Variants in LRMDA observed in about 807,000 individuals in gnomAD.
LRMDA encodes the protein leucine-rich melanocyte differentiation-associated protein.
LRMDA carries 18 observed loss-of-function variants against 29.8 expected under a neutral mutation model. The observed-to-expected ratio is 0.60, with a 90% confidence interval of 0.42 to 0.90. LRMDA has a LOEUF of 0.90. Among genes scored for constraint, LRMDA ranks in the 40% least tolerant of loss-of-function variants. The probability of loss-of-function intolerance (pLI) is 0.00; values close to 1 mark genes in which losing one functional copy is unlikely to be tolerated. For synonymous variants in LRMDA, 125 were observed against 109.4 expected (o/e 1.14, Z -0.89); for missense variants, 273 against 273.9 (o/e 1.00, Z 0.02).
intron 2 of LRMDA, among the ~76,000 whole-genome samples, chr10:75,784,428 G>A (rs1231566268): frequency 2.6e-5 from 4 of 152,126 alleles, no homozygotes; most frequent in Non-Finnish European, 4.4e-5. Context: ...GGCCGGGTGC[G>A]GTGGCTCACG....
At chr10:75,611,779 T>C (rs1841035526) in intron 2 of LRMDA, among the ~76,000 whole-genome samples, 1 of 152,152 alleles carries the variant, frequency 6.6e-6, no homozygotes, top group Non-Finnish European at 1.5e-5. Flanking sequence ...GCAAGCACAG[T>C]ATAGGTTGGA....
At chr10:75,560,256 G>C (rs1840273695) in intron 2 of LRMDA, among the ~76,000 whole-genome samples, 2 of 152,232 alleles carry the variant, frequency 1.3e-5, no homozygotes, top group South Asian at 4.1e-4. Flanking sequence ...CACGTCCCTT[G>C]TAAGTTGGAT....
chr10:76,539,780 G>A (rs1246611979), intron 6 of LRMDA, among the ~76,000 whole-genome samples: 1 of 152,170 alleles, frequency 6.6e-6, no homozygotes, highest in African/African-American at 2.4e-5. Flanking sequence ...GGCACAGACT[G>A]ATTAAGTGCT....
Position 76,234,894 on chromosome 10 carries a change from A to G in LRMDA, c.517-89507A>G, listed in dbSNP as rs561601262. Among the ~76,000 whole-genome samples the G allele has an allele frequency of 2.4e-4, 37 of 152,338 alleles. No individual in the cohort carries two copies. In the South Asian group the frequency reaches 5.0e-3, roughly 20 times the overall value. ...CCGCTAAAACTTTCTCCATATCAGCAATAAGGCTGTTTCACTTTCTTATCA... is the reference window on the plus strand; with the variant it reads ...CCGCTAAAACTTTCTCCATATCAGCGATAAGGCTGTTTCACTTTCTTATCA... On this transcript the variant is annotated intron_variant, in intron 5 of 6. Transcript: ENST00000611255.
chr10:76,515,924 A>G (rs375782149), intron 6 of LRMDA, among the ~76,000 whole-genome samples: 1 of 152,200 alleles, frequency 6.6e-6, no homozygotes. Flanking sequence ...GCCAAGCTGA[A>G]ATCAGAGAAA....
intron 6 of LRMDA, among the ~76,000 whole-genome samples, chr10:76,451,937 G>A (rs777659031): frequency 2.6e-5 from 4 of 152,140 alleles, no homozygotes; most frequent in South Asian, 2.1e-4. Flanking sequence ...GATTACAGGC[G>A]TGAGCCACCA....
chr10:75,643,587 G>T (rs1044453459), intron 2 of LRMDA, among the ~76,000 whole-genome samples: 7 of 152,148 alleles, frequency 4.6e-5, no homozygotes, highest in Admixed American at 3.9e-4. Context: ...TTCTAGAAGG[G>T]CATATTGCTG....
chr10:75,726,580 A>G (rs1239327879), intron 2 of LRMDA, among the ~76,000 whole-genome samples: 1 of 152,224 alleles, frequency 6.6e-6, no homozygotes, highest in African/African-American at 2.4e-5. Context: ...TCTCATGGCC[A>G]TGGCCCCTAC....
At chr10:76,358,580 G>T (rs1001370146) in intron 6 of LRMDA, among the ~76,000 whole-genome samples, 2 of 152,192 alleles carry the variant, frequency 1.3e-5, no homozygotes, top group East Asian at 1.9e-4. Context: ...GAGCCAGGAG[G>T]CATGGCAGTC....
intron 2 of LRMDA, among the ~76,000 whole-genome samples, chr10:75,868,225 A>G (rs1845051999): frequency 6.6e-6 from 1 of 152,130 alleles, no homozygotes; most frequent in East Asian, 1.9e-4. Flanking sequence ...CAACAAGGAG[A>G]CAGAGTGGAT....
chr10:76,558,230 G>C lies in LRMDA; in HGVS notation c.*942G>C, dbSNP rs1843581715. 6.6e-6 allele frequency: 1 copy of C among 152,218 alleles called. No homozygotes were observed. The highest frequency in any genetic ancestry group is 1.5e-5 in the Non-Finnish European group (1 of 68,062). The allele number at this position is 152,218 out of a possible 1,614,324, so 9.4% of individuals were successfully genotyped here. On this transcript the variant is annotated 3_prime_UTR_variant, in exon 7 of 7. Transcript: ENST00000611255. ...CCTTTGGGTGCTATTTAAAGGGAGTGAGGTGATGAAAGATAGAGTGAAGGG... is the reference window on the plus strand; with the variant it reads ...CCTTTGGGTGCTATTTAAAGGGAGTCAGGTGATGAAAGATAGAGTGAAGGG...
intron 2 of LRMDA, among the ~76,000 whole-genome samples, chr10:75,747,422 A>G (rs531485765): frequency 7.9e-5 from 12 of 152,338 alleles, no homozygotes; most frequent in African/African-American, 2.6e-4. Flanking sequence ...TGTGGTTAAC[A>G]AGCAAAAAAT....
chr10:76,014,105 AGT>A (rs1564630402), intron 2 of LRMDA, among the ~76,000 whole-genome samples: 47 of 118,858 alleles, frequency 4.0e-4, no homozygotes, highest in Admixed American at 3.4e-4. Context: ...AAAAAAAAAA[AGT>A]ATATATATAT....
intron 2 of LRMDA, among the ~76,000 whole-genome samples, chr10:75,612,491 C>G (rs1483350916): frequency 2.0e-5 from 3 of 152,014 alleles, no homozygotes; most frequent in Admixed American, 1.3e-4. Context: ...TTTTACTAAG[C>G]AGATTTTAAA....
intron 2 of LRMDA, among the ~76,000 whole-genome samples, chr10:75,531,121 G>T (rs1289999554): frequency 6.6e-6 from 1 of 152,142 alleles, no homozygotes; most frequent in Non-Finnish European, 1.5e-5. Context: ...GCACTGTGCT[G>T]GTCTCTAGGG....
chr10:75,920,359 A>G (rs1846006762), intron 2 of LRMDA, among the ~76,000 whole-genome samples: 1 of 152,202 alleles, frequency 6.6e-6, no homozygotes, highest in Admixed American at 6.5e-5. Flanking sequence ...CTTCATAAGC[A>G]TCCTTCGGTG....
intron 2 of LRMDA, among the ~76,000 whole-genome samples, chr10:75,923,548 G>A (rs7903557): frequency 0.37 from 56,402 of 151,918 alleles, 12,294 homozygotes; most frequent in East Asian, 0.71. Flanking sequence ...TCCTTCCCGT[G>A]ATTCCCCCTT....
At chr10:75,686,618 C>T (rs1051227638) in intron 2 of LRMDA, among the ~76,000 whole-genome samples, 1 of 152,196 alleles carries the variant, frequency 6.6e-6, no homozygotes, top group Non-Finnish European at 1.5e-5. Context: ...TTACTTTCTT[C>T]GTTAATGGTA....
chr10:75,981,372 T>G lies in LRMDA; in HGVS notation c.132-54636T>G, dbSNP rs576866813. Reference sequence around the variant, plus strand: ...GAGTATTGCTGACTTGGGCAAACACTGCAGAGGTTGAGCAGACTTGGTTTC... The same window carrying G: ...GAGTATTGCTGACTTGGGCAAACACGGCAGAGGTTGAGCAGACTTGGTTTC... On this transcript the variant is annotated intron_variant, in intron 2 of 6. Transcript: ENST00000611255. Among the ~76,000 whole-genome samples the G allele has an allele frequency of 1.5e-3, 232 of 152,374 alleles. 1 individual carries two copies. The highest frequency in any genetic ancestry group is 2.5e-3 in the Non-Finnish European group (171 of 68,038).
Sources: allele counts gnomAD v4.1 joint callset (sites outside exome capture counted in the v4.1 genomes callset), GRCh38; gene constraint gnomAD v4.1.1; transcripts MANE v1.5; gene names NCBI Gene and HGNC (gene_info 2026-07-23, HGNC 2026-07-21).